Variants in IL1RAPL1 observed in about 807,000 individuals in gnomAD.
The protein encoded by IL1RAPL1 is interleukin 1 receptor accessory protein like 1.
A neutral mutation model predicts 48.4 loss-of-function variants in IL1RAPL1; 3 were observed. The observed-to-expected ratio is 0.06, with a 90% CI of 0.03 to 0.16. IL1RAPL1 has a LOEUF of 0.16. Ranked by LOEUF, IL1RAPL1 falls within the 10% of genes least tolerant of loss-of-function variation. IL1RAPL1 has a pLI of 1.00. For synonymous variants in IL1RAPL1, 185 were observed against 187.7 expected, an observed-to-expected ratio of 0.99 and a Z score of 0.12; for missense variants, 349 against 530.6, an observed-to-expected ratio of 0.66 and a Z score of 3.36.
At chrX:28,702,121 T>C (rs1225965560) in intron 1 of IL1RAPL1, among the ~76,000 whole-genome samples, 5 of 111,417 alleles carry the variant, frequency 4.5e-5, no homozygotes, top group African/African-American at 9.8e-5. Flanking sequence ...TGTTTTGTGA[T>C]ACTTGCTAAG....
chrX:29,945,703 A>G (rs1339903410), intron 9 of IL1RAPL1, among the ~76,000 whole-genome samples: 2 of 112,111 alleles, frequency 1.8e-5, no homozygotes, highest in Non-Finnish European at 3.8e-5. Context: ...TCAGACTTGC[A>G]GATGGAGTTT....
intron 5 of IL1RAPL1, among the ~76,000 whole-genome samples, chrX:29,418,246 C>T (rs928553611): frequency 3.9e-5 from 4 of 102,753 alleles, no homozygotes; most frequent in African/African-American, 1.1e-4. Context: ...CTGCTTCAGC[C>T]TCCTGAGTAG....
intron 1 of IL1RAPL1, among the ~76,000 whole-genome samples, chrX:28,588,956 GA>G (rs1933879010): frequency 8.9e-6 from 1 of 111,975 alleles, no homozygotes; most frequent in Admixed American, 9.5e-5. Context: ...ACCTTAAGTT[GA>G]AGATGTGTCC....
chrX:29,802,976 CATACATGTGTACAT>C (rs1569173273), intron 6 of IL1RAPL1, among the ~76,000 whole-genome samples: 7 of 83,409 alleles, frequency 8.4e-5, no homozygotes, highest in African/African-American at 3.5e-4. Flanking sequence ...TACATATATA[CATACATGTGTACAT>C]ATATATGTAT....
chrX:29,329,412 T>C (rs1183120921), intron 3 of IL1RAPL1, among the ~76,000 whole-genome samples: 3 of 111,887 alleles, frequency 2.7e-5, no homozygotes, highest in African/African-American at 9.8e-5. Flanking sequence ...GTTCATAGCA[T>C]TATTCATAAT....
chrX:28,592,782 G>T (rs1206541003), intron 1 of IL1RAPL1, among the ~76,000 whole-genome samples: 1 of 111,694 alleles, frequency 9.0e-6, no homozygotes, highest in Non-Finnish European at 1.9e-5. Context: ...TAACTTCCCA[G>T]TGTCTTGCTT....
chrX:28,630,737 G>A (rs1934390015), intron 1 of IL1RAPL1, among the ~76,000 whole-genome samples: 1 of 112,270 alleles, frequency 8.9e-6, no homozygotes, highest in African/African-American at 3.2e-5. Context: ...ATGTATAGGA[G>A]GTGTGTTATA....
intron 5 of IL1RAPL1, among the ~76,000 whole-genome samples, chrX:29,600,496 T>C (rs7887679): frequency 0.086 from 9,605 of 111,993 alleles, 1,035 homozygotes; most frequent in African/African-American, 0.29. Flanking sequence ...TTTGTGTTGG[T>C]TGGCCTCCAG....
intron 2 of IL1RAPL1, among the ~76,000 whole-genome samples, chrX:29,042,102 T>C (rs1224088357): frequency 8.9e-6 from 1 of 111,833 alleles, no homozygotes. Flanking sequence ...TTTTACCAGT[T>C]TACCCCTACT....
At chrX:29,145,304 G>A (rs1274146084) in intron 2 of IL1RAPL1, among the ~76,000 whole-genome samples, 1 of 111,766 alleles carries the variant, frequency 8.9e-6, no homozygotes, top group Non-Finnish European at 1.9e-5. Flanking sequence ...AAGATGTAAG[G>A]TTAATGGGAA....
rs145891892 is a variant in IL1RAPL1, at chrX:29,357,859, T to G, written c.363-38399T>G. On this transcript the variant is annotated intron_variant, in intron 3 of 10. Coordinates refer to ENST00000378993, the MANE Select transcript of IL1RAPL1 (RefSeq NM_014271.4). ...ACTCCCAAACCCGGGGAAAACGATG[T>G]CATTTTGTGCTTATGGTTGTTGAAG... Among the ~76,000 whole-genome samples the G allele has an allele frequency of 2.8e-3, 316 of 112,046 alleles. 3 individuals carry two copies. The highest frequency in any genetic ancestry group is 0.024 in the Admixed American group (248 of 10,506).
At chrX:29,126,197 C>T (rs1246775263) in intron 2 of IL1RAPL1, among the ~76,000 whole-genome samples, 1 of 111,182 alleles carries the variant, frequency 9.0e-6, no homozygotes, top group Non-Finnish European at 1.9e-5. Flanking sequence ...AACTTTTTTT[C>T]CACATATGGC....
chrX:29,666,216 A>G lies in IL1RAPL1; in HGVS notation c.704-2214A>G, dbSNP rs150672155. Among the ~76,000 whole-genome samples the G allele has an allele frequency of 9.3e-3, 1,038 of 111,835 alleles. 5 individuals are homozygous for G. The highest frequency in any genetic ancestry group is 0.014 in the Middle Eastern group (3 of 216). On this transcript the variant is annotated intron_variant, in intron 5 of 10. Coordinates refer to ENST00000378993, the MANE Select transcript of IL1RAPL1 (RefSeq NM_014271.4). ...CTAAAGATATTCCAAACCCTGTATCATAATATCTGGCACATTATTCTGTTT... is the reference window on the plus strand; with the variant it reads ...CTAAAGATATTCCAAACCCTGTATCGTAATATCTGGCACATTATTCTGTTT...
At chrX:29,442,644 C>T (rs1269211244) in intron 5 of IL1RAPL1, among the ~76,000 whole-genome samples, 1 of 111,000 alleles carries the variant, frequency 9.0e-6, no homozygotes, top group African/African-American at 3.3e-5. Context: ...TTGCTTAAAC[C>T]CAGGAGTTTG....
chrX:28,657,145 C>G (rs180758176), intron 1 of IL1RAPL1, among the ~76,000 whole-genome samples: 1 of 110,939 alleles, frequency 9.0e-6, no homozygotes, highest in Admixed American at 9.6e-5. Flanking sequence ...TAGGGCTGTA[C>G]GTATAGTAGA....
At chrX:29,336,191 A>G (rs773874025) in intron 3 of IL1RAPL1, among the ~76,000 whole-genome samples, 235 of 100,056 alleles carry the variant, frequency 2.3e-3, no homozygotes, top group African/African-American at 7.7e-3. Flanking sequence ...GTGTGTGTGT[A>G]TATATATATA....
chrX:29,494,175 A>G (rs1295297623), intron 5 of IL1RAPL1, among the ~76,000 whole-genome samples: 1 of 111,792 alleles, frequency 8.9e-6, no homozygotes, highest in Non-Finnish European at 1.9e-5. Flanking sequence ...TGCTGGGATT[A>G]CAGGCGTAAG....
intron 2 of IL1RAPL1, among the ~76,000 whole-genome samples, chrX:29,100,810 G>T (rs1928319418): frequency 8.9e-6 from 1 of 111,748 alleles, no homozygotes; most frequent in Non-Finnish European, 1.9e-5. Flanking sequence ...CAGTTTTGTT[G>T]TCAGGTTTAA....
rs188902122 is a variant in IL1RAPL1, at chrX:29,608,653, C to T, written c.704-59777C>T. Among the ~76,000 whole-genome samples, 320 of 105,188 alleles carry T rather than the reference C, an allele frequency of 3.0e-3. 1 individual carries two copies. Among genetic ancestry groups the T allele is most frequent in the African/African-American group, 0.01 (295 of 28,154 alleles). 91.3% of individuals were successfully genotyped at this position (105,188 alleles called of 115,157 possible). On this transcript the variant is annotated intron_variant, in intron 5 of 10. Coordinates refer to ENST00000378993, the MANE Select transcript of IL1RAPL1 (RefSeq NM_014271.4). ...CATCCTGGCTAACACGGTGAAACCC[C>T]GTCTCTACTAAAAATACAAAAAATT...
Sources: allele counts gnomAD v4.1 joint callset (sites outside exome capture counted in the v4.1 genomes callset), GRCh38; gene constraint gnomAD v4.1.1; transcripts MANE v1.5; gene names NCBI Gene and HGNC (gene_info 2026-07-23, HGNC 2026-07-21).